The following MSRB3 variants were observed in gnomAD, a reference collection of about 807,000 sequenced individuals.
MSRB3 encodes the protein methionine sulfoxide reductase B3, also known as methionine-R-sulfoxide reductase B3.
A neutral mutation model predicts 21.0 loss-of-function variants in MSRB3; 13 were observed. The ratio of observed to expected loss-of-function variants is 0.62; its 90% CI spans 0.40 to 0.98. The LOEUF (loss-of-function observed/expected upper bound fraction) is 0.98, where lower values mean the gene tolerates loss of function less well. Ranked by LOEUF, MSRB3 falls within the 50% of genes least tolerant of loss-of-function variation. The pLI is 0.00. For missense variants in MSRB3, 199 were observed against 230.3 expected, an observed-to-expected ratio of 0.86 and a Z score of 0.88; for synonymous variants, 87 against 88.6, an observed-to-expected ratio of 0.98 and a Z score of 0.10.
At chr12:65,345,559 C>T (rs1876433915) in intron 4 of MSRB3, among the ~76,000 whole-genome samples, 1 of 151,902 alleles carries the variant, frequency 6.6e-6, no homozygotes, top group Non-Finnish European at 1.5e-5. Flanking sequence ...GTAGGAAATG[C>T]TAAAGTAGAT....
intron 1 of MSRB3, among the ~76,000 whole-genome samples, chr12:65,305,832 T>C (rs113040734): frequency 9.0e-4 from 137 of 152,314 alleles, no homozygotes; most frequent in African/African-American, 3.0e-3. Context: ...TAAATAGGAT[T>C]CTTTGGAGAA....
At chr12:65,366,105 C>T (rs10878265) in intron 4 of MSRB3, among the ~76,000 whole-genome samples, 1 of 152,080 alleles carries the variant, frequency 6.6e-6, no homozygotes. Context: ...ACCTCTGGCC[C>T]CCAGGTGCTC....
intron 5 of MSRB3, among the ~76,000 whole-genome samples, chr12:65,451,331 A>G (rs1324472390): frequency 6.6e-6 from 1 of 152,154 alleles, no homozygotes; most frequent in African/African-American, 2.4e-5. Context: ...AAACTATTCA[A>G]GCATCAACAG....
chr12:65,344,784 G>C (rs893893041), intron 4 of MSRB3, among the ~76,000 whole-genome samples: 2 of 152,044 alleles, frequency 1.3e-5, no homozygotes, highest in Admixed American at 6.6e-5. Context: ...CAATGGAAGA[G>C]AACTGAAAAG....
intron 5 of MSRB3, among the ~76,000 whole-genome samples, chr12:65,417,259 A>G (rs1487223278): frequency 6.6e-6 from 1 of 152,212 alleles, no homozygotes; most frequent in African/African-American, 2.4e-5. Flanking sequence ...TGACATTAGC[A>G]GGTAGGAAAA....
chr12:65,354,667 G>T (rs570607919), intron 4 of MSRB3, among the ~76,000 whole-genome samples: 1 of 151,652 alleles, frequency 6.6e-6, no homozygotes, highest in Non-Finnish European at 1.5e-5. Flanking sequence ...TACTACAAAG[G>T]CCAAAGGTAG....
intron 5 of MSRB3, among the ~76,000 whole-genome samples, chr12:65,440,867 A>G (rs1252802940): frequency 6.6e-6 from 1 of 151,974 alleles, no homozygotes; most frequent in Non-Finnish European, 1.5e-5. Context: ...TCACTTATTT[A>G]ACAAGTTATC....
At chr12:65,438,960 A>C (rs965148833) in intron 5 of MSRB3, among the ~76,000 whole-genome samples, 1 of 151,894 alleles carries the variant, frequency 6.6e-6, no homozygotes, top group African/African-American at 2.4e-5. Context: ...GAAAATAGGT[A>C]TGTCTCTTGT....
intron 5 of MSRB3, among the ~76,000 whole-genome samples, chr12:65,433,464 C>G (rs930614133): frequency 1.3e-5 from 2 of 151,788 alleles, no homozygotes; most frequent in Non-Finnish European, 2.9e-5. Context: ...TTTCTAATGT[C>G]AAATTTCAGT....
chr12:65,299,768 T>G (rs1054238908), intron 1 of MSRB3, among the ~76,000 whole-genome samples: 1 of 152,210 alleles, frequency 6.6e-6, no homozygotes, highest in African/African-American at 2.4e-5. Context: ...TTCCTCCACC[T>G]TTCTTTCCAG....
At chr12:65,348,645 C>T (rs1212373535) in intron 4 of MSRB3, among the ~76,000 whole-genome samples, 1 of 152,034 alleles carries the variant, frequency 6.6e-6, no homozygotes, top group Non-Finnish European at 1.5e-5. Context: ...AATGTGTTTG[C>T]TCTTGCTTCT....
At chr12:65,417,426 G>C (rs1212572022) in intron 5 of MSRB3, among the ~76,000 whole-genome samples, 1 of 152,064 alleles carries the variant, frequency 6.6e-6, no homozygotes, top group African/African-American at 2.4e-5. Flanking sequence ...TTCTGATATA[G>C]GTATGTGTTG....
chr12:65,424,110 A>G (rs188226993), intron 5 of MSRB3, among the ~76,000 whole-genome samples: 36 of 151,996 alleles, frequency 2.4e-4, no homozygotes, highest in African/African-American at 8.7e-4. Context: ...AGGTCATCCA[A>G]TTTTTTGGCA....
At chr12:65,342,542 T>C (rs1248403878) in intron 4 of MSRB3, among the ~76,000 whole-genome samples, 1 of 152,008 alleles carries the variant, frequency 6.6e-6, no homozygotes, top group African/African-American at 2.4e-5. Flanking sequence ...TGTGAATTGG[T>C]AGTACCTTTC....
chr12:65,389,643 A>T (rs1024222259), intron 5 of MSRB3, among the ~76,000 whole-genome samples: 4 of 151,984 alleles, frequency 2.6e-5, no homozygotes, highest in East Asian at 1.9e-4. Flanking sequence ...CTTTCTTCCC[A>T]GTCTGTTATG....
At chr12:65,447,657 T>G (rs1882680822) in intron 5 of MSRB3, among the ~76,000 whole-genome samples, 1 of 152,166 alleles carries the variant, frequency 6.6e-6, no homozygotes, top group Non-Finnish European at 1.5e-5. Context: ...TGAGTAATTG[T>G]CTTTGGAGTA....
chr12:65,336,562 A>G (rs1875776317), intron 4 of MSRB3, among the ~76,000 whole-genome samples: 1 of 152,220 alleles, frequency 6.6e-6, no homozygotes, highest in Non-Finnish European at 1.5e-5. Flanking sequence ...TACATTTTTC[A>G]CAGTGAATTA....
intron 5 of MSRB3, among the ~76,000 whole-genome samples, chr12:65,404,959 CTTT>C (rs762041398): frequency 7.0e-6 from 1 of 142,344 alleles, no homozygotes. Flanking sequence ...TTCTACTCAA[CTTT>C]TTTTTTTTTT....
chr12:65,292,471 A>T (rs1450795624), intron 1 of MSRB3, among the ~76,000 whole-genome samples: 2 of 150,868 alleles, frequency 1.3e-5, no homozygotes, highest in East Asian at 3.9e-4. Context: ...TCATTCTGGG[A>T]CAACACTTTC....
Sources: gnomAD v4.1 joint callset for allele counts (sites outside exome capture counted in the v4.1 genomes callset) on GRCh38, gnomAD v4.1.1 for gene constraint, MANE v1.5 for transcripts, NCBI Gene and HGNC (gene_info 2026-07-23, HGNC 2026-07-21) for gene names.